ST6GALNAC3: variants seen among roughly 807,000 people sequenced by gnomAD.
The protein encoded by ST6GALNAC3 is ST6 N-acetylgalactosaminide alpha-2,6-sialyltransferase 3.
In ST6GALNAC3, 25 loss-of-function variants were observed where a neutral mutation model predicts 32.7. The observed-to-expected ratio is 0.76, with a 90% confidence interval of 0.56 to 1.07. The LOEUF (loss-of-function observed/expected upper bound fraction) is 1.07. ST6GALNAC3 is among the 50% of genes least tolerant of loss of function. The probability of loss-of-function intolerance (pLI) is 0.00; values close to 1 mark genes in which losing one functional copy is unlikely to be tolerated. For missense variants in ST6GALNAC3, 355 were observed against 382.4 expected (o/e 0.93, Z 0.60); for synonymous variants, 129 against 133.1 (o/e 0.97, Z 0.21).
intron 2 of ST6GALNAC3, among the ~76,000 whole-genome samples, chr1:76,405,088 G>T (rs181590462): frequency 4.1e-4 from 63 of 152,160 alleles, no homozygotes; most frequent in African/African-American, 1.5e-3. Flanking sequence ...TTCAAATCTG[G>T]CTGTTTCTAC....
intron 1 of ST6GALNAC3, among the ~76,000 whole-genome samples, chr1:76,245,560 G>A (rs1384520491): frequency 2.6e-5 from 4 of 151,932 alleles, no homozygotes; most frequent in African/African-American, 7.3e-5. Flanking sequence ...TTCCAATGTG[G>A]GCATTTAATG....
At chr1:76,224,839 A>C (rs2100616450) in intron 1 of ST6GALNAC3, among the ~76,000 whole-genome samples, 1 of 152,302 alleles carries the variant, frequency 6.6e-6, no homozygotes, top group Non-Finnish European at 1.5e-5. Context: ...GAATCCTTTA[A>C]GAAAAAGAGA....
intron 3 of ST6GALNAC3, among the ~76,000 whole-genome samples, chr1:76,450,406 CA>C (rs1657307383): frequency 6.6e-6 from 1 of 152,030 alleles, no homozygotes; most frequent in Non-Finnish European, 1.5e-5. Flanking sequence ...GTCCTTAGCC[CA>C]CTTTTTGATG....
intron 3 of ST6GALNAC3, among the ~76,000 whole-genome samples, chr1:76,468,035 A>AT (rs569891678): frequency 1.3e-4 from 20 of 149,648 alleles, no homozygotes; most frequent in African/African-American, 2.4e-4. Context: ...TTTTTCTAAA[A>AT]TTTTTTTTTT....
intron 1 of ST6GALNAC3, among the ~76,000 whole-genome samples, chr1:76,110,315 G>A (rs1160242650): frequency 6.6e-6 from 1 of 152,230 alleles, no homozygotes; most frequent in East Asian, 1.9e-4. Flanking sequence ...GGGCATTTGA[G>A]TGTTATCGTT....
chr1:76,463,215 C>T (rs912874865), intron 3 of ST6GALNAC3, among the ~76,000 whole-genome samples: 6 of 152,128 alleles, frequency 3.9e-5, no homozygotes, highest in African/African-American at 1.4e-4. Flanking sequence ...ATTTTGTACT[C>T]GTCTTTAAAT....
intron 1 of ST6GALNAC3, among the ~76,000 whole-genome samples, chr1:76,196,488 G>A (rs1375374785): frequency 5.3e-5 from 8 of 149,706 alleles, no homozygotes; most frequent in South Asian, 4.2e-4. Context: ...TTTTTGAGAC[G>A]GAGTTTCACT....
chr1:76,466,140 T>C (rs368055016), intron 3 of ST6GALNAC3, among the ~76,000 whole-genome samples: 13 of 152,086 alleles, frequency 8.5e-5, no homozygotes, highest in African/African-American at 2.7e-4. Context: ...TAAATCTAGG[T>C]TGAACATTGT....
chr1:76,425,300 C>G (rs1655295131), intron 3 of ST6GALNAC3, among the ~76,000 whole-genome samples: 1 of 151,920 alleles, frequency 6.6e-6, no homozygotes, highest in Non-Finnish European at 1.5e-5. Context: ...GTAGCAACTT[C>G]CCCTATTAGG....
intron 3 of ST6GALNAC3, among the ~76,000 whole-genome samples, chr1:76,566,297 G>A (rs1665550850): frequency 6.6e-6 from 1 of 152,150 alleles, no homozygotes; most frequent in African/African-American, 2.4e-5. Context: ...GATGGACTAT[G>A]GCAAGAACCT....
chr1:76,294,352 A>AT (rs1202865554), intron 1 of ST6GALNAC3, among the ~76,000 whole-genome samples: 3 of 150,136 alleles, frequency 2.0e-5, no homozygotes, highest in Non-Finnish European at 4.4e-5. Flanking sequence ...GTCTGAGCAT[A>AT]TTTTTTATTA....
At chr1:76,143,961 C>A (rs1039320418) in intron 1 of ST6GALNAC3, among the ~76,000 whole-genome samples, 2 of 152,140 alleles carry the variant, frequency 1.3e-5, no homozygotes, top group Non-Finnish European at 2.9e-5. Flanking sequence ...GCCTTTTGGG[C>A]CTCAGTCTTC....
intron 3 of ST6GALNAC3, among the ~76,000 whole-genome samples, chr1:76,538,656 A>T (rs1663785469): frequency 6.6e-6 from 1 of 152,230 alleles, no homozygotes; most frequent in Non-Finnish European, 1.5e-5. Flanking sequence ...TAAACTGATA[A>T]GCAATTTCAG....
intron 1 of ST6GALNAC3, among the ~76,000 whole-genome samples, chr1:76,312,706 CT>C (rs1248985793): frequency 5.9e-5 from 9 of 152,116 alleles, no homozygotes; most frequent in Non-Finnish European, 1.0e-4. Flanking sequence ...TTTCTTTTGG[CT>C]TTCCATCACC....
At chr1:76,390,451 T>G (rs1180306997) in intron 2 of ST6GALNAC3, among the ~76,000 whole-genome samples, 1 of 152,250 alleles carries the variant, frequency 6.6e-6, no homozygotes, top group East Asian at 1.9e-4. Flanking sequence ...TGTGACACAG[T>G]ATCCTTCAAA....
chr1:76,263,692 G>A lies in ST6GALNAC3; in HGVS notation c.19-50113G>A, dbSNP rs149935567. ...GTCTCATTCTTTTGGAGACTTCTGG[G>A]TAAACACATTTTGCTCCTCTGAACA... On this transcript the variant is annotated intron_variant, in intron 1 of 4. Coordinates refer to ENST00000328299, the MANE Select transcript of ST6GALNAC3 (RefSeq NM_152996.4). Among the ~76,000 whole-genome samples, 8 of 152,328 alleles carry A rather than the reference G, an allele frequency of 5.3e-5. No homozygotes were observed. In the East Asian group the frequency reaches 1.5e-3, roughly 29 times the overall value.
At chr1:76,277,538 A>G (rs1373384327) in intron 1 of ST6GALNAC3, among the ~76,000 whole-genome samples, 3 of 54,166 alleles carry the variant, frequency 5.5e-5, no homozygotes, top group African/African-American at 1.4e-4. Context: ...GTATATATAT[A>G]TATATATATA....
In ST6GALNAC3 at chr1:76,386,304, G is replaced by C. The variant is rs776143230; in HGVS notation, c.214-25704G>C. Among the ~76,000 whole-genome samples the C allele has an allele frequency of 7.9e-5, 12 of 152,052 alleles. 1 individual carries two copies. Among genetic ancestry groups the C allele is most frequent in the Non-Finnish European group, 1.5e-4 (10 of 67,990 alleles). ...TTTCACAAGACACTTAACTTTTCAG[G>C]CCCTTAGCTTACTCCTTTGTAATTT... On this transcript the variant is annotated intron_variant, in intron 2 of 4. Transcript: ENST00000328299.
At position 76,631,767 on chromosome 1, in the gene ST6GALNAC3, T is replaced by C. The variant is rs1196395465; in HGVS notation, c.*2961T>C. 2.6e-5 allele frequency: 4 copies of C among 152,066 alleles called. No homozygotes were observed. Among genetic ancestry groups the C allele is most frequent in the Admixed American group, 2.6e-4 (4 of 15,262 alleles). The allele number at this position is 152,066 out of a possible 1,614,324, so 9.4% of individuals were successfully genotyped here. A position where few individuals can be genotyped will look rare whatever the true frequency, so the allele number is the denominator to read the frequency against. On this transcript the variant is annotated 3_prime_UTR_variant, in exon 5 of 5. Coordinates refer to ENST00000328299, the MANE Select transcript of ST6GALNAC3 (RefSeq NM_152996.4). ...AAAAAGGGTCACAATTTTTCTGAAA[T>C]TGGCATGAAAACATTCAAGATAAAA...
Sources: gnomAD v4.1 joint callset for allele counts (sites outside exome capture counted in the v4.1 genomes callset) on GRCh38, gnomAD v4.1.1 for gene constraint, MANE v1.5 for transcripts, NCBI Gene and HGNC (gene_info 2026-07-23, HGNC 2026-07-21) for gene names.